ANKRD12: variants seen among roughly 807,000 people sequenced by gnomAD.
ANKRD12 encodes the protein ankyrin repeat domain-containing protein 12.
In ANKRD12, 85 loss-of-function variants were observed where a neutral mutation model predicts 183.4. The ratio of observed to expected loss-of-function variants is 0.46; its 90% CI spans 0.39 to 0.56. The LOEUF is 0.56. Among genes scored for constraint, ANKRD12 ranks in the 20% least tolerant of loss-of-function variants. The probability of loss-of-function intolerance (pLI) is 0.00; values close to 1 mark genes in which losing one functional copy is unlikely to be tolerated. For synonymous variants in ANKRD12, 914 were observed against 800.2 expected, an observed-to-expected ratio of 1.14 and a Z score of -2.40; for missense variants, 2,405 against 2,357.1, an observed-to-expected ratio of 1.02 and a Z score of -0.42.
At chr18:9,183,191 C>T (rs1398643041) in intron 2 of ANKRD12, among the ~76,000 whole-genome samples, 1 of 152,184 alleles carries the variant, frequency 6.6e-6, no homozygotes, top group Non-Finnish European at 1.5e-5. Context: ...TGTAAGTTTT[C>T]AAACTGTATT....
intron 3 of ANKRD12, among the ~76,000 whole-genome samples, chr18:9,201,617 A>G (rs2035172847): frequency 6.6e-6 from 1 of 152,168 alleles, no homozygotes; most frequent in Non-Finnish European, 1.5e-5. Context: ...GCAGTATATG[A>G]ATGTTCTTTA....
intron 1 of ANKRD12, among the ~76,000 whole-genome samples, chr18:9,146,438 T>G: frequency 6.6e-6 from 1 of 152,150 alleles, no homozygotes; most frequent in East Asian, 1.9e-4. Flanking sequence ...ATCCCATCAC[T>G]GTGGGAGGCA....
In ANKRD12 at chr18:9,182,271, T is replaced by C. The variant is rs2033749134; in HGVS notation, c.-51-111T>C. The C allele has an allele frequency of 2.1e-5, 7 of 335,892 alleles. No homozygotes were observed. The South Asian group carries it at 7.3e-4, about 35-fold the overall frequency. The allele number at this position is 335,892 out of a possible 1,614,324, so 20.8% of individuals were successfully genotyped here. ...TTACTTTAGCTTAGGATAGCCTCTT[T>C]GAGAAAATAAGGTATCTTATGAAAA... On this transcript the variant is annotated intron_variant, in intron 1 of 12. Transcript: ENST00000262126.
At position 9,195,650 on chromosome 18, in the gene ANKRD12, C is replaced by T; in HGVS notation, c.187C>T (p.Pro63Ser). ...KEKSSMKRKL[P>S]FTISPSRNEE... ...GAAATCATCCATGAAACGTAAACTT[C>T]CTTTTACTATTAGCCCATCAAGAAA... The change falls in exon 3 of 13, where the codon CCT becomes TCT. Residue 63 changes from proline to serine, a missense_variant. Around this residue, in one of 7 missense-constraint regions of ANKRD12, gnomAD observed 145 missense variants for 145.6 expected, o/e 1.00. Transcript: ENST00000262126. 6 of 1,612,540 alleles carry T rather than the reference C, an allele frequency of 3.7e-6. No homozygotes were observed. Among genetic ancestry groups the T allele is most frequent in the Non-Finnish European group, 5.1e-6 (6 of 1,179,262 alleles).
intron 11 of ANKRD12, among the ~76,000 whole-genome samples, chr18:9,278,645 A>C (rs1239620228): frequency 6.6e-6 from 1 of 152,172 alleles, no homozygotes; most frequent in Admixed American, 6.5e-5. Flanking sequence ...AAAAATACAA[A>C]AATTAGCCAG....
chr18:9,151,675 A>T (rs1030138099), intron 1 of ANKRD12, among the ~76,000 whole-genome samples: 2 of 152,174 alleles, frequency 1.3e-5, no homozygotes, highest in Admixed American at 6.5e-5. Context: ...TTTTTCTCAA[A>T]TCAATTTCGA....
At chr18:9,172,374 G>C (rs1386965531) in intron 1 of ANKRD12, among the ~76,000 whole-genome samples, 6 of 151,932 alleles carry the variant, frequency 3.9e-5, no homozygotes, top group Non-Finnish European at 7.4e-5. Flanking sequence ...TCATAGGTTT[G>C]GTCTTTTTAC....
rs1335805649 is a variant in ANKRD12 at position 9,257,242 on chromosome 18, A to G, written c.3975A>G (p.Thr1325=). 2 of 1,614,156 alleles carry G rather than the reference A, an allele frequency of 1.2e-6. No homozygotes were observed. Among genetic ancestry groups the G allele is most frequent in the Non-Finnish European group, 1.7e-6 (2 of 1,179,986 alleles). ...GTGAACATACCAAACAATTCCAAAC[A>G]ATATCAGAAGAGAGCAATCAAGGTA... The part of the protein sequence containing the change: ...VICEHTKQFQ[T]ISEESNQGSL... The change falls in exon 9 of 13, where the codon ACA becomes ACG. Residue 1325 remains threonine (T), a synonymous_variant. Coordinates refer to ENST00000262126, the MANE Select transcript of ANKRD12 (RefSeq NM_015208.5).
At chr18:9,237,323 C>T (rs1448296072) in intron 8 of ANKRD12, among the ~76,000 whole-genome samples, 1 of 152,188 alleles carries the variant, frequency 6.6e-6, no homozygotes, top group African/African-American at 2.4e-5. Context: ...TTGATGGTCA[C>T]TGGAGCTGAG....
At chr18:9,172,501 T>C (rs779638492) in intron 1 of ANKRD12, among the ~76,000 whole-genome samples, 29 of 152,230 alleles carry the variant, frequency 1.9e-4, no homozygotes, top group Non-Finnish European at 3.8e-4. Context: ...TTTTCTCTGC[T>C]TGGTCTATTC....
At chr18:9,261,894 A>G (rs1157456542) in intron 9 of ANKRD12, among the ~76,000 whole-genome samples, 8 of 152,340 alleles carry the variant, frequency 5.3e-5, no homozygotes, top group East Asian at 1.9e-4. Flanking sequence ...CGTCCTCTAC[A>G]TTCCTTGAAA....
At chr18:9,172,136 C>T (rs889047913) in intron 1 of ANKRD12, among the ~76,000 whole-genome samples, 1 of 151,802 alleles carries the variant, frequency 6.6e-6, no homozygotes, top group African/African-American at 2.4e-5. Context: ...TGTAGGTGGC[C>T]TGGCCTTTCT....
chr18:9,169,812 G>C (rs556644440), intron 1 of ANKRD12, among the ~76,000 whole-genome samples: 83 of 152,122 alleles, frequency 5.5e-4, no homozygotes, highest in Non-Finnish European at 1.1e-3. Context: ...TAGCATTGAT[G>C]GTCTTTACAA....
At position 9,234,049 on chromosome 18, in the gene ANKRD12, G is replaced by A. The variant is rs138688807; in HGVS notation, c.943+12050G>A. 2.4e-4 allele frequency among the ~76,000 whole-genome samples: 32 copies of A among 131,656 alleles called. No individual in the cohort carries two copies. The East Asian group carries it at 6.6e-3, about 27-fold the overall frequency. 86.4% of individuals were successfully genotyped at this position (131,656 alleles called of 152,430 possible). On this transcript the variant is annotated intron_variant, in intron 8 of 12. Transcript: ENST00000262126. ...TGGTGTTGGCAGTGGCTGTGGTGCA[G>A]GGTTACCACACAGTCCCAGACACAA...
chr18:9,229,312 T>A (rs1191444946), intron 8 of ANKRD12, among the ~76,000 whole-genome samples: 1 of 152,210 alleles, frequency 6.6e-6, no homozygotes, highest in Non-Finnish European at 1.5e-5. Flanking sequence ...ATGGATTGTT[T>A]TTTCTATTTC....
At chr18:9,165,719 T>A (rs2031971744) in intron 1 of ANKRD12, among the ~76,000 whole-genome samples, 1 of 152,072 alleles carries the variant, frequency 6.6e-6, no homozygotes, top group Non-Finnish European at 1.5e-5. Flanking sequence ...TTTTATTTTT[T>A]TATTTTATTA....
Position 9,263,904 on chromosome 18 carries a change from A to G in ANKRD12, c.5763+16A>G. 2.1e-6 allele frequency: 3 copies of G among 1,398,882 alleles called. No individual in the cohort carries two copies. The highest frequency in any genetic ancestry group is 2.9e-6 in the Non-Finnish European group (3 of 1,021,330). The allele number at this position is 1,398,882 out of a possible 1,614,324, so 86.7% of individuals were successfully genotyped here. ...TATTGAAAGGGTAAGAAATGTTTAA[A>G]TTTACACTTATGCTAAAAATAACTG... On this transcript the variant is annotated intron_variant, in intron 10 of 12. Transcript: ENST00000262126.
chr18:9,169,842 G>A (rs1271092098), intron 1 of ANKRD12, among the ~76,000 whole-genome samples: 2 of 152,146 alleles, frequency 1.3e-5, no homozygotes, highest in Non-Finnish European at 2.9e-5. Context: ...TTTTTGCAGT[G>A]GCTGGTACCA....
intron 1 of ANKRD12, among the ~76,000 whole-genome samples, chr18:9,156,875 C>T (rs2030546763): frequency 1.3e-5 from 2 of 152,300 alleles, no homozygotes; most frequent in Non-Finnish European, 2.9e-5. Context: ...GTGAAATAAT[C>T]TAGTCACACA....
Sources: gnomAD v4.1 joint callset for allele counts (sites outside exome capture counted in the v4.1 genomes callset) on GRCh38, gnomAD v4.1.1 for gene constraint, gnomAD v4.1.1 regional missense constraint, MANE v1.5 for transcripts, NCBI Gene and HGNC (gene_info 2026-07-23, HGNC 2026-07-21) for gene names.